Variants in MDGA2 observed in about 807,000 individuals in gnomAD.
MDGA2 encodes MAM domain containing glycosylphosphatidylinositol anchor 2, also known as MAM domain-containing glycosylphosphatidylinositol anchor protein 2.
A neutral mutation model predicts 117.8 loss-of-function variants in MDGA2; 40 were observed. The ratio of observed to expected loss-of-function variants is 0.34; its 90% CI spans 0.26 to 0.44. The LOEUF (loss-of-function observed/expected upper bound fraction) is 0.44, where lower values mean the gene tolerates loss of function less well. MDGA2 is among the 20% of genes least tolerant of loss of function. MDGA2 has a pLI of 1.00. For missense variants in MDGA2, 1,123 were observed against 1,250.6 expected, an observed-to-expected ratio of 0.90 and a Z score of 1.54; for synonymous variants, 452 against 439.0, an observed-to-expected ratio of 1.03 and a Z score of -0.37.
At chr14:47,591,259 T>C (rs1896433857) in intron 1 of MDGA2, among the ~76,000 whole-genome samples, 1 of 152,076 alleles carries the variant, frequency 6.6e-6, no homozygotes, top group Admixed American at 6.6e-5. Flanking sequence ...TCACACTTAT[T>C]TGTTAAAGTT....
At chr14:47,124,867 C>T (rs559749082) in intron 5 of MDGA2, among the ~76,000 whole-genome samples, 10 of 152,174 alleles carry the variant, frequency 6.6e-5, no homozygotes, top group African/African-American at 2.4e-4. Context: ...CACCAGAAAC[C>T]AACCCTGATG....
At chr14:47,652,173 T>TA (rs1193706709) in intron 1 of MDGA2, among the ~76,000 whole-genome samples, 1 of 152,204 alleles carries the variant, frequency 6.6e-6, no homozygotes, top group African/African-American at 2.4e-5. Flanking sequence ...TAGCAAAAGA[T>TA]ATACAGAAGC....
intron 1 of MDGA2, among the ~76,000 whole-genome samples, chr14:47,448,651 C>T (rs1955793): frequency 6.6e-6 from 1 of 152,074 alleles, no homozygotes; most frequent in South Asian, 2.1e-4. Context: ...CTCTTCAAAG[C>T]GCTCTTCATT....
Position 47,156,723 on chromosome 14 carries a change from T to C in MDGA2, c.596-12449A>G, listed in dbSNP as rs150403672. 4.4e-3 allele frequency among the ~76,000 whole-genome samples: 676 copies of C among 152,340 alleles called. 6 individuals are homozygous for C. The highest frequency in any genetic ancestry group is 0.015 in the African/African-American group (625 of 41,578). ...ATGGAAAGACACACTAAAAACTATA[T>C]TGGATGTCATCTTTTTCTCTGGAAA... On this transcript the variant is annotated intron_variant, in intron 3 of 16. Transcript: ENST00000399232.
At chr14:47,135,200 C>T (rs1349006767) in intron 4 of MDGA2, among the ~76,000 whole-genome samples, 11 of 151,954 alleles carry the variant, frequency 7.2e-5, no homozygotes, top group African/African-American at 1.2e-4. Context: ...GACAGCTCCT[C>T]GTATATAGGC....
intron 7 of MDGA2, among the ~76,000 whole-genome samples, chr14:47,053,642 T>A (rs1351366885): frequency 4.7e-5 from 2 of 42,370 alleles, no homozygotes; most frequent in African/African-American, 8.1e-5. Context: ...TATATATATA[T>A]ATATATATAT....
intron 4 of MDGA2, among the ~76,000 whole-genome samples, chr14:47,143,284 A>G (rs1882801298): frequency 1.3e-5 from 2 of 152,182 alleles, no homozygotes; most frequent in Non-Finnish European, 2.9e-5. Context: ...GCCAATTTAT[A>G]TAATTTTTAA....
intron 9 of MDGA2, among the ~76,000 whole-genome samples, chr14:46,955,358 A>G (rs1443667363): frequency 2.6e-5 from 4 of 152,210 alleles, no homozygotes; most frequent in African/African-American, 7.2e-5. Context: ...AAGCTCATGA[A>G]GCTCACTTAA....
chr14:47,591,185 C>T (rs763433958), intron 1 of MDGA2, among the ~76,000 whole-genome samples: 2 of 152,006 alleles, frequency 1.3e-5, no homozygotes, highest in Non-Finnish European at 2.9e-5. Context: ...AAAAGAAAAC[C>T]GCTAATGTCT....
Position 47,561,579 on chromosome 14 carries a change from G to C in MDGA2, c.280+112938C>G, listed in dbSNP as rs1242279961. Among the ~76,000 whole-genome samples, 7 of 152,076 alleles carry C rather than the reference G, an allele frequency of 4.6e-5. No individual in the cohort carries two copies. In the South Asian group the frequency reaches 1.2e-3, roughly 27 times the overall value. On this transcript the variant is annotated intron_variant, in intron 1 of 16. Transcript: ENST00000399232. ...CTACTGATTTATGTACATTGATTTT[G>C]TCCTGAAACTTTGCTGAAGTTGTTT...
At chr14:47,075,895 A>G (rs1457654283) in intron 6 of MDGA2, among the ~76,000 whole-genome samples, 3 of 152,130 alleles carry the variant, frequency 2.0e-5, no homozygotes, top group Admixed American at 6.5e-5. Context: ...TGGACTATGC[A>G]TTTTTACATT....
intron 3 of MDGA2, among the ~76,000 whole-genome samples, chr14:47,163,871 G>T (rs1883749088): frequency 6.6e-6 from 1 of 152,142 alleles, no homozygotes; most frequent in Non-Finnish European, 1.5e-5. Context: ...ACAGCACCCT[G>T]AATTTAATAT....
chr14:47,299,557 T>C (rs1008806845), intron 2 of MDGA2: 6 of 152,210 alleles, frequency 3.9e-5, no homozygotes, highest in African/African-American at 1.4e-4. Context: ...ACAAAAAATA[T>C]AATCAAATTA....
intron 15 of MDGA2, among the ~76,000 whole-genome samples, chr14:46,849,819 C>T (rs1880989031): frequency 6.6e-6 from 1 of 151,616 alleles, no homozygotes; most frequent in African/African-American, 2.4e-5. Context: ...ATTTTGACTA[C>T]TATTACATTA....
At chr14:47,108,531 G>T (rs1454046445) in intron 5 of MDGA2, among the ~76,000 whole-genome samples, 1 of 148,110 alleles carries the variant, frequency 6.8e-6, no homozygotes, top group African/African-American at 2.5e-5. Flanking sequence ...GCTCATCCTG[G>T]CTCAAAAAGC....
chr14:47,421,683 T>C (rs1167578119), intron 1 of MDGA2, among the ~76,000 whole-genome samples: 2 of 152,122 alleles, frequency 1.3e-5, no homozygotes, highest in Admixed American at 6.6e-5. Flanking sequence ...ATACAACCGA[T>C]GCATGTGAGG....
At chr14:47,242,479 G>A (rs562279097) in intron 2 of MDGA2, among the ~76,000 whole-genome samples, 29 of 151,988 alleles carry the variant, frequency 1.9e-4, no homozygotes, top group Non-Finnish European at 3.7e-4. Flanking sequence ...TGCGTGTGGC[G>A]CTTGCGGGGC....
chr14:47,079,727 A>ATTTTTTTTTTTTTTT lies in MDGA2; in HGVS notation c.1195+17112_1195+17126dup, dbSNP rs35801678. ...ATTTGTTTCAGCCGATTTTCTACTA[A>ATTTTTTTTTTTTTTT]TTTTTTTTTTTTTTTTTTTTTTGAG... On this transcript the variant is annotated intron_variant, in intron 6 of 16. Coordinates refer to ENST00000399232, the MANE Select transcript of MDGA2 (RefSeq NM_001113498.3). Among the ~76,000 whole-genome samples the ATTTTTTTTTTTTTTT allele has an allele frequency of 9.2e-4, 74 of 80,070 alleles. 9 individuals carry two copies. In the East Asian group the frequency reaches 0.011, roughly 12 times the overall value. 52.5% of individuals were successfully genotyped at this position (80,070 alleles called of 152,430 possible). A position where few individuals can be genotyped will look rare whatever the true frequency, so the allele number is the denominator to read the frequency against.
intron 1 of MDGA2, among the ~76,000 whole-genome samples, chr14:47,326,747 G>T (rs1333261412): frequency 1.8e-4 from 27 of 151,948 alleles, no homozygotes; most frequent in Admixed American, 1.8e-3. Context: ...CACACACAGA[G>T]AGAAATTCAG....
Sources: gnomAD v4.1 joint callset for allele counts (sites outside exome capture counted in the v4.1 genomes callset) on GRCh38, gnomAD v4.1.1 for gene constraint, MANE v1.5 for transcripts, NCBI Gene and HGNC (gene_info 2026-07-23, HGNC 2026-07-21) for gene names.